The following SGK3 variants were observed in gnomAD, a reference collection of about 807,000 sequenced individuals.
SGK3 encodes the protein serine/threonine-protein kinase Sgk3.
A neutral mutation model predicts 68.5 loss-of-function variants in SGK3; 47 were observed. The observed-to-expected ratio is 0.69, with a 90% CI of 0.54 to 0.87. The LOEUF (loss-of-function observed/expected upper bound fraction) is 0.87, where lower values mean the gene tolerates loss of function less well. SGK3 is among the 40% of genes least tolerant of loss of function. SGK3 has a pLI of 0.00. For missense variants in SGK3, 479 were observed against 575.5 expected, an observed-to-expected ratio of 0.83 and a Z score of 1.72; for synonymous variants, 181 against 189.1, an observed-to-expected ratio of 0.96 and a Z score of 0.35.
intron 16 of SGK3, among the ~76,000 whole-genome samples, chr8:66,856,907 A>G (rs1810534957): frequency 1.3e-5 from 2 of 152,164 alleles, no homozygotes; most frequent in South Asian, 4.1e-4. Flanking sequence ...AGCCTGGCCA[A>G]CATGGTGAAA....
chr8:66,823,936 G>A (rs187403283), intron 6 of SGK3, among the ~76,000 whole-genome samples: 7 of 152,170 alleles, frequency 4.6e-5, no homozygotes, highest in Admixed American at 1.3e-4. Flanking sequence ...GAGATGATGG[G>A]TTGAAATACA....
chr8:66,828,823 T>C (rs1809174371), intron 7 of SGK3, 120 bp downstream of exon 7: 1 of 1,260,300 alleles, frequency 7.9e-7, no homozygotes, highest in Non-Finnish European at 1.1e-6. Flanking sequence ...ATAACCATAG[T>C]TACAGTGAAT....
intron 1 of SGK3, among the ~76,000 whole-genome samples, chr8:66,792,155 C>T (rs762495227): frequency 6.6e-6 from 1 of 151,940 alleles, no homozygotes; most frequent in Non-Finnish European, 1.5e-5. Context: ...CATGGAGAAA[C>T]CCCATCTCTA....
intron 16 of SGK3, among the ~76,000 whole-genome samples, chr8:66,852,075 T>C (rs569271282): frequency 6.6e-6 from 1 of 152,168 alleles, no homozygotes; most frequent in Admixed American, 6.5e-5. Context: ...TATATAAAAA[T>C]GAGCAAGCAC....
In SGK3 at chr8:66,849,805, C is replaced by T. The variant is rs1810190598; in HGVS notation, c.1231-1026C>T. Among the ~76,000 whole-genome samples the T allele has an allele frequency of 2.0e-5, 3 of 152,028 alleles. No homozygotes were observed. The South Asian group carries it at 6.2e-4, about 32-fold the overall frequency. ...TATTGCCCAGGTTGGGTTTGAACTC[C>T]TGGGTTCAAGTGATCCTCCCACTTC... On this transcript the variant is annotated intron_variant, in intron 15 of 16. Coordinates refer to ENST00000521198, the MANE Select transcript of SGK3 (RefSeq NM_001033578.3).
At chr8:66,811,079 C>T (rs1028833668) in intron 4 of SGK3, among the ~76,000 whole-genome samples, 3 of 152,156 alleles carry the variant, frequency 2.0e-5, no homozygotes, top group Non-Finnish European at 2.9e-5. Flanking sequence ...TACAGTGGTG[C>T]GATCTCAGCT....
At chr8:66,723,117 ATATATATATATATATTTTTT>A (rs1167687679) in intron 1 of SGK3, among the ~76,000 whole-genome samples, 37 of 49,756 alleles carry the variant, frequency 7.4e-4, no homozygotes, top group East Asian at 7.4e-3. Flanking sequence ...ATATATATAT[ATATATATATATATATTTTTT>A]TTTTTTTTTT....
At chr8:66,785,991 G>A (rs1807183592) in intron 1 of SGK3, among the ~76,000 whole-genome samples, 1 of 152,196 alleles carries the variant, frequency 6.6e-6, no homozygotes. Context: ...AAAAGTCCCA[G>A]TTTTAATCCC....
intron 1 of SGK3, among the ~76,000 whole-genome samples, chr8:66,748,107 T>C (rs1301698447): frequency 6.6e-6 from 1 of 152,156 alleles, no homozygotes; most frequent in African/African-American, 2.4e-5. Context: ...CAGCTCTTGT[T>C]ATTGAGGTAT....
At chr8:66,761,539 C>T (rs539010023) in intron 1 of SGK3, among the ~76,000 whole-genome samples, 60 of 152,200 alleles carry the variant, frequency 3.9e-4, no homozygotes, top group Non-Finnish European at 6.6e-4. Flanking sequence ...GAGGCTGAGG[C>T]GGTCAGATCA....
intron 1 of SGK3, among the ~76,000 whole-genome samples, chr8:66,777,012 T>TAGGA (rs779221224): frequency 9.2e-5 from 14 of 152,158 alleles, no homozygotes; most frequent in Non-Finnish European, 1.6e-4. Flanking sequence ...CTTGATTGGG[T>TAGGA]AGGAGTCAGG....
intron 1 of SGK3, among the ~76,000 whole-genome samples, chr8:66,727,305 C>T (rs1187319397): frequency 6.6e-6 from 1 of 152,148 alleles, no homozygotes; most frequent in East Asian, 1.9e-4. Context: ...CTGTGTTACT[C>T]AGGCTGGTCT....
At chr8:66,778,232 G>A (rs1806797467) in intron 1 of SGK3, 1 of 152,202 alleles carries the variant, frequency 6.6e-6, no homozygotes, top group South Asian at 2.1e-4. Flanking sequence ...CAAGAAGCAT[G>A]CACACACACA....
chr8:66,738,368 G>C (rs938293929), intron 1 of SGK3, among the ~76,000 whole-genome samples: 2 of 152,118 alleles, frequency 1.3e-5, no homozygotes, highest in African/African-American at 2.4e-5. Context: ...TGCTTTAAAA[G>C]TGCTCTAAAG....
At chr8:66,779,599 TATAA>T (rs1226128441) in intron 1 of SGK3, among the ~76,000 whole-genome samples, 25 of 106,190 alleles carry the variant, frequency 2.4e-4, no homozygotes, top group East Asian at 1.4e-3. Context: ...TATATATATA[TATAA>T]AACACATTTT....
At chr8:66,847,417 T>G in intron 15 of SGK3, 69 bp downstream of exon 15, 7 of 1,578,704 alleles carry the variant, frequency 4.4e-6, no homozygotes, top group Non-Finnish European at 6.0e-6. Context: ...AAGCTTTATT[T>G]TATATGGTAT....
intron 1 of SGK3, among the ~76,000 whole-genome samples, chr8:66,733,719 A>C (rs1805233797): frequency 6.7e-6 from 1 of 148,696 alleles, no homozygotes; most frequent in Non-Finnish European, 1.5e-5. Flanking sequence ...TGGTTCTATT[A>C]AACTCATGTA....
At chr8:66,763,760 GTTTTTTTAAACCCAAGTTCATCTGTA>G (rs1263660006) in intron 1 of SGK3, among the ~76,000 whole-genome samples, 1 of 151,510 alleles carries the variant, frequency 6.6e-6, no homozygotes, top group African/African-American at 2.4e-5. Context: ...GGTTTTTTTG[GTTTTTTTAAACCCAAGTTCATCTGTA>G]TCTCCTTTCT....
intron 3 of SGK3, among the ~76,000 whole-genome samples, chr8:66,802,311 G>GA (rs1168138161): frequency 6.6e-6 from 1 of 151,942 alleles, no homozygotes; most frequent in Non-Finnish European, 1.5e-5. Flanking sequence ...TAAAAGAAAA[G>GA]AAAAAAATCT....
Sources: gnomAD v4.1 joint callset for allele counts (sites outside exome capture counted in the v4.1 genomes callset) on GRCh38, gnomAD v4.1.1 for gene constraint, MANE v1.5 for transcripts, NCBI Gene and HGNC (gene_info 2026-07-23, HGNC 2026-07-21) for gene names.